EPHA6: variants seen among roughly 807,000 people sequenced by gnomAD.
The protein encoded by EPHA6 is ephrin type-A receptor 6.
Under a neutral mutation model 112.0 loss-of-function variants are expected in EPHA6, and 50 were observed. That is an observed-to-expected ratio of 0.45 (90% CI 0.36 to 0.56). EPHA6 has a LOEUF of 0.56. EPHA6 is among the 20% of genes least tolerant of loss of function. EPHA6 has a pLI of 0.00. For missense variants in EPHA6, 1,280 were observed against 1,417.4 expected, an observed-to-expected ratio of 0.90 and a Z score of 1.56; for synonymous variants, 529 against 490.7, an observed-to-expected ratio of 1.08 and a Z score of -1.03.
intron 3 of EPHA6, among the ~76,000 whole-genome samples, chr3:97,111,954 ATTT>A (rs2047736517): frequency 1.3e-5 from 2 of 152,126 alleles, no homozygotes; most frequent in Non-Finnish European, 2.9e-5. Context: ...AAGAAATATT[ATTT>A]ATCTCTTTTT....
intron 2 of EPHA6, among the ~76,000 whole-genome samples, chr3:96,943,209 A>G (rs971218454): frequency 2.0e-5 from 3 of 151,914 alleles, no homozygotes; most frequent in Non-Finnish European, 4.4e-5. Flanking sequence ...GTATATATAT[A>G]TTTTTTTCTT....
chr3:97,094,122 A>G (rs2047162885), intron 3 of EPHA6, among the ~76,000 whole-genome samples: 1 of 152,282 alleles, frequency 6.6e-6, no homozygotes, highest in East Asian at 1.9e-4. Flanking sequence ...TCAAAGTCAT[A>G]TGGCCTTTCA....
chr3:97,399,777 ATTAT>A (rs2086886088), intron 5 of EPHA6, among the ~76,000 whole-genome samples: 1 of 151,358 alleles, frequency 6.6e-6, no homozygotes, highest in Non-Finnish European at 1.5e-5. Flanking sequence ...GTTAAATAGG[ATTAT>A]TTGTTTTTTG....
chr3:97,231,253 A>G (rs558186198), intron 4 of EPHA6, among the ~76,000 whole-genome samples: 19 of 152,298 alleles, frequency 1.2e-4, no homozygotes, highest in East Asian at 9.7e-4. Flanking sequence ...TTCCTAGTCC[A>G]GACCCAGGAA....
At chr3:97,171,382 A>G (rs1484207735) in intron 3 of EPHA6, among the ~76,000 whole-genome samples, 2 of 152,154 alleles carry the variant, frequency 1.3e-5, no homozygotes. Flanking sequence ...TAGGAGAGTA[A>G]TAATATCATT....
chr3:97,216,353 A>G (rs2078034284), intron 3 of EPHA6, among the ~76,000 whole-genome samples: 1 of 152,176 alleles, frequency 6.6e-6, no homozygotes, highest in South Asian at 2.1e-4. Flanking sequence ...TAAACCATTC[A>G]TGAGGAATCC....
At chr3:96,875,183 T>C (rs1010139547) in intron 2 of EPHA6, among the ~76,000 whole-genome samples, 3 of 151,960 alleles carry the variant, frequency 2.0e-5, no homozygotes, top group African/African-American at 7.3e-5. Context: ...ACAGGAAACA[T>C]GAAAGATCGT....
intron 2 of EPHA6, among the ~76,000 whole-genome samples, chr3:96,921,131 A>G (rs1380467380): frequency 6.6e-6 from 1 of 152,076 alleles, no homozygotes. Context: ...ATTTAGGAAA[A>G]TACACGTAGC....
At chr3:96,852,633 A>G (rs2035463456) in intron 1 of EPHA6, among the ~76,000 whole-genome samples, 1 of 151,286 alleles carries the variant, frequency 6.6e-6, no homozygotes, top group Admixed American at 6.6e-5. Flanking sequence ...TTCCTGGTGT[A>G]AAAATGGCTT....
intron 14 of EPHA6, chr3:97,646,154 G>A (rs750967252): frequency 1.1e-4 from 172 of 1,535,220 alleles, no homozygotes; most frequent in Non-Finnish European, 1.4e-4. Context: ...AATCAGAACT[G>A]GTTAAAGAAG....
intron 15 of EPHA6, among the ~76,000 whole-genome samples, chr3:97,723,828 C>T (rs1365060177): frequency 6.6e-6 from 1 of 152,126 alleles, no homozygotes; most frequent in African/African-American, 2.4e-5. Flanking sequence ...AGTTGAAATT[C>T]TGTTTAGCTT....
intron 3 of EPHA6, among the ~76,000 whole-genome samples, chr3:97,061,353 C>T (rs1183484190): frequency 2.0e-5 from 3 of 152,036 alleles, no homozygotes; most frequent in Non-Finnish European, 2.9e-5. Flanking sequence ...AACTGGAGAG[C>T]CAGGTGAAGG....
intron 3 of EPHA6, among the ~76,000 whole-genome samples, chr3:97,079,835 C>G (rs1158420880): frequency 6.6e-6 from 1 of 151,798 alleles, no homozygotes; most frequent in Non-Finnish European, 1.5e-5. Context: ...CAACCATCAA[C>G]GTTGAGGCAA....
At chr3:97,493,630 T>C (rs1332467934) in intron 10 of EPHA6, among the ~76,000 whole-genome samples, 1 of 152,120 alleles carries the variant, frequency 6.6e-6, no homozygotes, top group Admixed American at 6.6e-5. Flanking sequence ...CCTCTGTGTG[T>C]GTGTGTGTGT....
chr3:97,322,514 G>C (rs531397750), intron 5 of EPHA6, among the ~76,000 whole-genome samples: 1 of 151,854 alleles, frequency 6.6e-6, no homozygotes, highest in East Asian at 1.9e-4. Flanking sequence ...CTATGATCTG[G>C]GTTTCGTGTT....
chr3:97,726,760 C>T (rs958183613), intron 15 of EPHA6, among the ~76,000 whole-genome samples: 10 of 151,970 alleles, frequency 6.6e-5, no homozygotes, highest in Non-Finnish European at 8.8e-5. Context: ...ACACATGCTC[C>T]AAAGATGATA....
chr3:96,919,276 G>C (rs367647420), intron 2 of EPHA6, among the ~76,000 whole-genome samples: 1 of 151,704 alleles, frequency 6.6e-6, no homozygotes, highest in African/African-American at 2.4e-5. Flanking sequence ...AAAATATAAA[G>C]TATCATGAAC....
chr3:96,892,965 T>C (rs964146950), intron 2 of EPHA6, among the ~76,000 whole-genome samples: 2 of 132,090 alleles, frequency 1.5e-5, no homozygotes, highest in African/African-American at 5.8e-5. Context: ...TGTGTGTGTG[T>C]GTGTGTGTGT....
intron 6 of EPHA6, among the ~76,000 whole-genome samples, chr3:97,412,466 T>G (rs2107131833): frequency 6.6e-6 from 1 of 152,220 alleles, no homozygotes; most frequent in East Asian, 1.9e-4. Context: ...TATCTCTTTT[T>G]CGATGAGGTT....
Sources: gnomAD v4.1 joint callset for allele counts (sites outside exome capture counted in the v4.1 genomes callset) on GRCh38, gnomAD v4.1.1 for gene constraint, MANE v1.5 for transcripts, NCBI Gene and HGNC (gene_info 2026-07-23, HGNC 2026-07-21) for gene names.